The following GLIS1 variants were observed in gnomAD, a reference collection of about 807,000 sequenced individuals.
The protein encoded by GLIS1 is GLIS family zinc finger 1.
In GLIS1, 24 loss-of-function variants were observed where a neutral mutation model predicts 63.8. That is an observed-to-expected ratio of 0.38 (90% confidence interval 0.27 to 0.53). GLIS1 has a LOEUF of 0.53. Among genes scored for constraint, GLIS1 ranks in the 20% least tolerant of loss-of-function variants. The pLI is 0.85. For synonymous variants in GLIS1, 450 were observed against 482.5 expected (o/e 0.93, Z 0.88); for missense variants, 1,036 against 1,074.1 (o/e 0.96, Z 0.50).
At chr1:53,726,161 T>C (rs1243982449) in intron 2 of GLIS1, among the ~76,000 whole-genome samples, 1 of 152,126 alleles carries the variant, frequency 6.6e-6, no homozygotes, top group Non-Finnish European at 1.5e-5. Flanking sequence ...AGGAAGTTTT[T>C]TGACTGTGAT....
intron 2 of GLIS1, among the ~76,000 whole-genome samples, chr1:53,626,601 G>A (rs906603648): frequency 2.6e-5 from 4 of 152,176 alleles, no homozygotes; most frequent in South Asian, 2.1e-4. Context: ...TTTTCTGCTC[G>A]CTGAGGGCAG....
intron 2 of GLIS1, among the ~76,000 whole-genome samples, chr1:53,675,495 C>A (rs1438354518): frequency 2.6e-5 from 4 of 152,120 alleles, no homozygotes; most frequent in Non-Finnish European, 5.9e-5. Flanking sequence ...AAGTCATGGC[C>A]CCACTCTGAG....
chr1:53,663,170 C>T (rs1207779655), intron 2 of GLIS1, among the ~76,000 whole-genome samples: 1 of 152,252 alleles, frequency 6.6e-6, no homozygotes. Context: ...CCATCTCAGC[C>T]TGTGTGGCCC....
At chr1:53,697,366 C>T (rs905426597) in intron 2 of GLIS1, among the ~76,000 whole-genome samples, 1 of 152,206 alleles carries the variant, frequency 6.6e-6, no homozygotes, top group Admixed American at 6.5e-5. Flanking sequence ...TTTCCTATTC[C>T]AGTTGCTTTG....
Position 53,509,890 on chromosome 1 carries a change from G to A in GLIS1, c.2021C>T (p.Pro674Leu). Residue 674 changes from proline (P) to leucine (L), a missense_variant, in exon 9 of 11, where the codon CCC becomes CTC. Physicochemically the swap from Pro to Leu is moderately conservative, Grantham distance 98. This residue lies in a region of GLIS1 where 400 missense variants were observed against 400.9 expected (regional missense o/e 1.00). Transcript: ENST00000628545. ...AGGCGGGGGTGGAGGGCTCTGGAAG[G>A]GTGGGTAGGACGGCTTGCTGGGGAG... is the stretch of plus-strand genomic sequence containing the variant. ...PTLPSKPSYP[P>L]FQSPPPPPLP... 2 of 1,308,480 alleles carry A rather than the reference G, an allele frequency of 1.5e-6. No homozygotes were observed. The highest frequency in any genetic ancestry group is 2.0e-6 in the Non-Finnish European group (2 of 1,020,068). The allele number at this position is 1,308,480 out of a possible 1,614,324, so 81.1% of individuals were successfully genotyped here.
At chr1:53,606,568 G>A (rs1645371301) in intron 2 of GLIS1, among the ~76,000 whole-genome samples, 1 of 152,182 alleles carries the variant, frequency 6.6e-6, no homozygotes, top group Admixed American at 6.5e-5. Context: ...TGCTCTCTGG[G>A]CTGCCTCGTC....
intron 2 of GLIS1, among the ~76,000 whole-genome samples, chr1:53,602,856 T>C (rs1037341112): frequency 2.6e-5 from 4 of 152,208 alleles, no homozygotes; most frequent in Non-Finnish European, 4.4e-5. Flanking sequence ...TTGACTCCAA[T>C]GAGGGTCATG....
At chr1:53,581,733 A>G (rs1645086770) in intron 4 of GLIS1, among the ~76,000 whole-genome samples, 1 of 152,148 alleles carries the variant, frequency 6.6e-6, no homozygotes, top group Admixed American at 6.5e-5. Flanking sequence ...CCATGTAAAG[A>G]GCCAGAGGTG....
In GLIS1 at chr1:53,560,971, T is replaced by C. The variant is rs1644886301; in HGVS notation, c.1321-31019A>G. Among the ~76,000 whole-genome samples, 2 of 152,140 alleles carry C rather than the reference T, an allele frequency of 1.3e-5. No individual in the cohort carries two copies. The highest frequency in any genetic ancestry group is 2.1e-4 in the South Asian group (1 of 4,818). On this transcript the variant is annotated intron_variant, in intron 4 of 10. Transcript: ENST00000628545. The surrounding 1 kb of genome is among the most constrained non-coding windows in gnomAD (Gnocchi z 4.4). ...GGGCCCACACTGGATGTCCGCTCCC[T>C]TCAGGATCTCCAATGTGCGCTCCGG...
Position 53,737,706 on chromosome 1 carries a change from G to A in GLIS1, c.259+100C>T, listed in dbSNP as rs569665053. ...AATAAGAGAGAAACTGAGGAACTCC[G>A]AAGAAAGTTCCACCAAGCTCTCCCG... On this transcript the variant is annotated intron_variant, in intron 2 of 10. Coordinates refer to ENST00000628545, the MANE Select transcript of GLIS1 (RefSeq NM_001367484.1). The A allele has an allele frequency of 2.0e-3, 2,215 of 1,134,438 alleles. 9 individuals carry two copies. The highest frequency in any genetic ancestry group is 2.2e-3 in the Non-Finnish European group (1,968 of 900,240). 70.3% of individuals were successfully genotyped at this position (1,134,438 alleles called of 1,614,324 possible).
At chr1:53,621,774 T>C (rs1645545250) in intron 2 of GLIS1, among the ~76,000 whole-genome samples, 1 of 152,212 alleles carries the variant, frequency 6.6e-6, no homozygotes, top group African/African-American at 2.4e-5. Context: ...GTTCAGTTTA[T>C]TTCATTTGAT....
intron 4 of GLIS1, among the ~76,000 whole-genome samples, chr1:53,590,418 ATTG>A (rs1645177557): frequency 6.6e-6 from 1 of 152,026 alleles, no homozygotes; most frequent in Non-Finnish European, 1.5e-5. Context: ...TCTCATGCCT[ATTG>A]TTGTTTTATA....
chr1:53,579,371 C>CA (rs2100490759), intron 4 of GLIS1, among the ~76,000 whole-genome samples: 1 of 152,338 alleles, frequency 6.6e-6, no homozygotes, highest in African/African-American at 2.4e-5. Flanking sequence ...TGCCAGGGGA[C>CA]ATGAGGCCTT....
At chr1:53,637,451 G>A (rs1175734811) in intron 2 of GLIS1, among the ~76,000 whole-genome samples, 1 of 152,116 alleles carries the variant, frequency 6.6e-6, no homozygotes, top group Admixed American at 6.5e-5. Flanking sequence ...TGAGAACCGT[G>A]GACCCAGCTC....
At chr1:53,535,382 C>T (rs1344700856) in intron 4 of GLIS1, among the ~76,000 whole-genome samples, 2 of 152,016 alleles carry the variant, frequency 1.3e-5, no homozygotes, top group African/African-American at 2.4e-5. Flanking sequence ...AAGCACCTAC[C>T]GTGAGTCCAG....
chr1:53,678,031 C>T (rs936789132), intron 2 of GLIS1, among the ~76,000 whole-genome samples: 2 of 152,154 alleles, frequency 1.3e-5, no homozygotes, highest in East Asian at 1.9e-4. Flanking sequence ...AGCCCCCAAA[C>T]GTGGGATTCC....
At chr1:53,647,212 G>A (rs1645856398) in intron 2 of GLIS1, among the ~76,000 whole-genome samples, 1 of 152,208 alleles carries the variant, frequency 6.6e-6, no homozygotes, top group Admixed American at 6.5e-5. Flanking sequence ...TTTTGTCTGT[G>A]GAAATTACCA....
intron 2 of GLIS1, among the ~76,000 whole-genome samples, chr1:53,647,216 A>G (rs1306929527): frequency 3.9e-5 from 6 of 152,350 alleles, no homozygotes; most frequent in African/African-American, 1.4e-4. Context: ...GTCTGTGGAA[A>G]TTACCAAGCT....
In GLIS1 at chr1:53,509,874, T is replaced by A; in HGVS notation, c.2037A>T (p.Pro679=). 1 of 1,278,326 alleles carries A rather than the reference T, an allele frequency of 7.8e-7. No homozygotes were observed. The highest frequency in any genetic ancestry group is 1.0e-6 in the Non-Finnish European group (1 of 1,004,248). The allele number at this position is 1,278,326 out of a possible 1,614,324, so 79.2% of individuals were successfully genotyped here. ...CTTGTGGGCTGGGCAGAGGCGGGGGTGGAGGGCTCTGGAAGGGTGGGTAGG... is the reference window on the plus strand; with the variant it reads ...CTTGTGGGCTGGGCAGAGGCGGGGGAGGAGGGCTCTGGAAGGGTGGGTAGG... ...KPSYPPFQSP[P]PPPLPSPQGY... Residue 679 remains proline (P), a synonymous_variant, in exon 9 of 11, where the codon CCA becomes CCT. Coordinates refer to ENST00000628545, the MANE Select transcript of GLIS1 (RefSeq NM_001367484.1).
Sources: gnomAD v4.1 joint callset for allele counts (sites outside exome capture counted in the v4.1 genomes callset) on GRCh38, gnomAD v4.1.1 for gene constraint, gnomAD v4.1.1 regional missense constraint, Gnocchi (gnomAD v3.1) non-coding constraint, MANE v1.5 for transcripts, NCBI Gene and HGNC (gene_info 2026-07-23, HGNC 2026-07-21) for gene names.